YARS2: variants seen among roughly 807,000 people sequenced by gnomAD.
YARS2 encodes the protein tyrosine--tRNA ligase, mitochondrial.
In YARS2, 38 loss-of-function variants were observed where a neutral mutation model predicts 45.0. The observed-to-expected ratio is 0.84, with a 90% CI of 0.65 to 1.11. The LOEUF (loss-of-function observed/expected upper bound fraction) is 1.11, where lower values mean the gene tolerates loss of function less well. YARS2 is among the 50% of genes least tolerant of loss of function. The pLI is 0.00. For synonymous variants in YARS2, 287 were observed against 245.1 expected (o/e 1.17, Z -1.60); for missense variants, 602 against 599.8 (o/e 1.00, Z -0.04).
At chr12:32,750,210 GTTTT>G in intron 3 of YARS2, 103 bp from the exon 4 acceptor site, 1 of 1,419,204 alleles carries the variant, frequency 7.0e-7, no homozygotes, top group Non-Finnish European at 9.6e-7. Flanking sequence ...TAGACTAAAA[GTTTT>G]TTTTTGAGAT....
rs1291265809 is a variant in YARS2, at chr12:32,747,035, ATATT to A, written c.*165_*168del. ...AATAAAACATCCCATTATTAAACAA[ATATT>A]TATTAACCGGCCCATAAAAATAATG... On this transcript the variant is annotated 3_prime_UTR_variant, in exon 5 of 5. Transcript: ENST00000324868. The A allele has an allele frequency of 2.1e-5, 13 of 630,426 alleles. No individual in the cohort carries two copies. In the East Asian group the frequency reaches 2.5e-4, roughly 12 times the overall value. 39.1% of individuals were successfully genotyped at this position (630,426 alleles called of 1,614,324 possible). A position where few individuals can be genotyped will look rare whatever the true frequency, so the allele number is the denominator to read the frequency against.
Position 32,755,561 on chromosome 12 carries a change from C to T in YARS2, c.314G>A (p.Gly105Asp). The T allele has an allele frequency of 1.9e-6, 3 of 1,613,744 alleles. No homozygotes were observed. The highest frequency in any genetic ancestry group is 2.2e-5 in the South Asian group (2 of 91,082). Residue 105 changes from glycine (G) to aspartate (D), a missense_variant, in exon 1 of 5, where the codon GGC (glycine) becomes GAC (aspartate). Transcript: ENST00000324868. ...LLGLFHLQRA[G>D]HNVIALVGGA... is the part of the protein sequence containing the mutation. ...TCCCACCAGCGCGATCACGTTGTGG[C>T]CCGCTCGCTGCAAATGAAACAGGCC... is the stretch of plus-strand genomic sequence containing the variant.
chr12:32,750,664 C>T, intron 3 of YARS2, 55 bp downstream of exon 3: 1 of 1,605,126 alleles, frequency 6.2e-7, no homozygotes, highest in Non-Finnish European at 8.5e-7. Flanking sequence ...CTACTTTTCT[C>T]ATGTCTATCC....
Position 32,753,944 on chromosome 12 carries a change from G to C in YARS2, c.921C>G (p.Val307=). ...TTTCCACTGAATCGTCCGGTTGCCTGACAAAGAATTGATACAATTCAAATG... is the reference window on the plus strand; with the variant it reads ...TTTCCACTGAATCGTCCGGTTGCCTCACAAAGAATTGATACAATTCAAATG... The part of the protein sequence containing the change: ...TSPFELYQFF[V]RQPDDSVERY... Residue 307 remains valine (V), a synonymous_variant, in exon 2 of 5, where the codon GTC becomes GTG. Coordinates refer to ENST00000324868, the MANE Select transcript of YARS2 (RefSeq NM_001040436.3). 1 of 1,614,166 alleles carries C rather than the reference G, an allele frequency of 6.2e-7. No individual in the cohort carries two copies. The highest frequency in any genetic ancestry group is 8.5e-7 in the Non-Finnish European group (1 of 1,180,040).
chr12:32,750,894 G>A lies in YARS2; in HGVS notation c.948-20C>T, dbSNP rs952078564. The A allele has an allele frequency of 1.2e-6, 2 of 1,612,742 alleles. No homozygotes were observed. Among genetic ancestry groups the A allele is most frequent in the Admixed American group, 3.3e-5 (2 of 59,976 alleles). ...AGGTACCTTTGAGACAAAAAATAAA[G>A]AGTTACACTTATATAACATACCTAA... On this transcript the variant is annotated intron_variant, in intron 2 of 4. Transcript: ENST00000324868.
intron 2 of YARS2, chr12:32,752,794 C>G (rs1445141832): frequency 2.7e-6 from 1 of 372,998 alleles, no homozygotes; most frequent in Non-Finnish European, 5.3e-6. Context: ...CATCAAAACC[C>G]CAGGACTATA....
intron 1 of YARS2, 111 bp downstream of exon 1, chr12:32,754,985 C>T (rs1294838427): frequency 7.0e-7 from 1 of 1,428,086 alleles, no homozygotes; most frequent in South Asian, 1.2e-5. Context: ...GGGATAAAAC[C>T]AACAAGAGCT....
Position 32,747,172 on chromosome 12 carries a change from A to T in YARS2, c.*32T>A, listed in dbSNP as rs763589298. 3 of 1,609,430 alleles carry T rather than the reference A, an allele frequency of 1.9e-6. No homozygotes were observed. In the African/African-American group the frequency reaches 4.0e-5, roughly 22 times the overall value. ...GAGGTCTTGAGAATGAATGATGGGT[A>T]AGTTTATTTGGACAACCAGAAGGAC... is the stretch of plus-strand genomic sequence containing the variant. On this transcript the variant is annotated 3_prime_UTR_variant, in exon 5 of 5. Transcript: ENST00000324868.
In YARS2 at chr12:32,755,890, A is replaced by C; in HGVS notation, c.-16T>G. On this transcript the variant is annotated 5_prime_UTR_variant, in exon 1 of 5. Transcript: ENST00000324868. The stretch of plus-strand genomic sequence containing the variant: ...GCGCCGCCATCTTGGTAGCGGCACG[A>C]AGGGAATGCTGGGATTGCAGAGGCT... 6.2e-7 allele frequency: 1 copy of C among 1,612,518 alleles called. No homozygotes were observed. The highest frequency in any genetic ancestry group is 8.5e-7 in the Non-Finnish European group (1 of 1,179,966).
At chr12:32,754,710 CCT>C (rs1491400063) in intron 1 of YARS2, among the ~76,000 whole-genome samples, 1 of 139,288 alleles carries the variant, frequency 7.2e-6, no homozygotes, top group Non-Finnish European at 1.6e-5. Context: ...GGTCTGTTTC[CCT>C]TTTTTTTTTT....
At chr12:32,751,223 C>T (rs547898618) in intron 2 of YARS2, among the ~76,000 whole-genome samples, 9 of 151,882 alleles carry the variant, frequency 5.9e-5, no homozygotes, top group Non-Finnish European at 8.8e-5. Flanking sequence ...TGTGCCACCA[C>T]GCCTGGCTAA....
At position 32,755,387 on chromosome 12, in the gene YARS2, C is replaced by A; in HGVS notation, c.488G>T (p.Arg163Leu). Residue 163 changes from arginine to leucine, a missense_variant, in exon 1 of 5, where the codon CGC (arginine) becomes CTC (leucine). Arg to Leu is a moderately radical substitution (Grantham distance 102, BLOSUM62 -2). Coordinates refer to ENST00000324868, the MANE Select transcript of YARS2 (RefSeq NM_001040436.3). Reference protein sequence around the residue: ...ANHQQLFTDGRSWGSFTVLDN... With the variant: ...ANHQQLFTDGLSWGSFTVLDN... ...CAGCACAGTGAAGCTGCCCCAGGAG[C>A]GCCCATCAGTGAAAAGCTGCTGGTG... 1 of 1,613,918 alleles carries A rather than the reference C, an allele frequency of 6.2e-7. No homozygotes were observed. Among genetic ancestry groups the A allele is most frequent in the Non-Finnish European group, 8.5e-7 (1 of 1,180,040 alleles).
chr12:32,746,964 C>T lies in YARS2; in HGVS notation c.*240G>A. 2 of 466,758 alleles carry T rather than the reference C, an allele frequency of 4.3e-6. 1 individual carries two copies. Among genetic ancestry groups the T allele is most frequent in the Non-Finnish European group, 7.6e-6 (2 of 262,962 alleles). The allele number at this position is 466,758 out of a possible 1,614,324, so 28.9% of individuals were successfully genotyped here. ...GTATAATTTTAAAAAGAGATTAACCCTGAAAATCATGGTTTTCTATGGTAA... is the reference window on the plus strand; with the variant it reads ...GTATAATTTTAAAAAGAGATTAACCTTGAAAATCATGGTTTTCTATGGTAA... On this transcript the variant is annotated 3_prime_UTR_variant, in exon 5 of 5. Transcript: ENST00000324868.
chr12:32,755,299 G>A lies in YARS2; in HGVS notation c.576C>T (p.His192=), dbSNP rs1955826751. The part of the protein sequence containing the change: ...LVDFLAAVGG[H]FRMGTLLSRQ... The stretch of plus-strand genomic sequence containing the variant: ...GGCTCAGCAGCGTCCCCATGCGGAA[G>A]TGACCCCCCACTGCCGCCAGGAAGT... Residue 192 remains histidine, a synonymous_variant, in exon 1 of 5, where the codon CAC becomes CAT. Transcript: ENST00000324868. 2 of 1,614,156 alleles carry A rather than the reference G, an allele frequency of 1.2e-6. No individual in the cohort carries two copies. Among genetic ancestry groups the A allele is most frequent in the Non-Finnish European group, 1.7e-6 (2 of 1,180,036 alleles).
Position 32,753,992 on chromosome 12 carries a change from C to T in YARS2, c.873G>A (p.Trp291Ter). The T allele has an allele frequency of 6.2e-7, 1 of 1,614,170 alleles. No individual in the cohort carries two copies. Among genetic ancestry groups the T allele is most frequent in the Non-Finnish European group, 8.5e-7 (1 of 1,180,042 alleles). ...KLGKSAGNAV[W>*]LNRDKTSPFE... ...ATGGAGATGTCTTATCTCTGTTTAG[C>T]CAAACAGCGTTGCCAGCAGACTTTC... is the stretch of plus-strand genomic sequence containing the variant. The change falls in exon 2 of 5, where the codon TGG becomes TGA. Residue 291 changes from tryptophan to a stop codon, truncating the protein, a stop_gained. Coordinates refer to ENST00000324868, the MANE Select transcript of YARS2 (RefSeq NM_001040436.3). LOFTEE classifies it high-confidence loss of function.
At position 32,747,224 on chromosome 12, in the gene YARS2, T is replaced by C. The variant is rs767843523; in HGVS notation, c.1414A>G (p.Ile472Val). 1.9e-6 allele frequency: 3 copies of C among 1,613,228 alleles called. No individual in the cohort carries two copies. Among genetic ancestry groups the C allele is most frequent in the Admixed American group, 3.3e-5 (2 of 60,020 alleles). The change falls in exon 5 of 5, where the codon ATA becomes GTA. Residue 472 changes from isoleucine (I) to valine (V), a missense_variant. By Grantham distance (29) the Ile-to-Val change is conservative. Transcript: ENST00000324868. The stretch of plus-strand genomic sequence containing the variant: ...TTTCATCACAACTGAAGCCATTTTA[T>C]AATGTAGAAATTTCTTTTTCCTATT... ...LKIGKRNFYIIKWLQL is the reference protein window; with the variant it reads ...LKIGKRNFYIVKWLQL
chr12:32,751,639 G>A (rs543211373), intron 2 of YARS2, among the ~76,000 whole-genome samples: 2 of 152,254 alleles, frequency 1.3e-5, no homozygotes, highest in East Asian at 3.9e-4. Context: ...TTGGCACCAC[G>A]AGGCGGCGGG....
At chr12:32,747,623 G>A (rs374663573) in intron 4 of YARS2, among the ~76,000 whole-genome samples, 31 of 152,202 alleles carry the variant, frequency 2.0e-4, no homozygotes, top group African/African-American at 7.0e-4. Context: ...TGCAACCTCC[G>A]CCTCCTGTGT....
intron 2 of YARS2, among the ~76,000 whole-genome samples, chr12:32,751,521 TAA>T (rs892970373): frequency 6.6e-6 from 1 of 151,090 alleles, no homozygotes; most frequent in South Asian, 2.1e-4. Context: ...CATGTGGCCA[TAA>T]AAAAAAAGTA....
Sources: gnomAD v4.1 joint callset for allele counts (sites outside exome capture counted in the v4.1 genomes callset) on GRCh38, gnomAD v4.1.1 for gene constraint, MANE v1.5 for transcripts, NCBI Gene and HGNC (gene_info 2026-07-23, HGNC 2026-07-21) for gene names.